Variants in ATP2B2 observed in about 807,000 individuals in gnomAD.
The protein encoded by ATP2B2 is ATPase plasma membrane Ca2+ transporting 2.
Under a neutral mutation model 120.0 loss-of-function variants are expected in ATP2B2, and 15 were observed. That is an observed-to-expected ratio of 0.12 (90% CI 0.08 to 0.19). The LOEUF is 0.19. Among genes scored for constraint, ATP2B2 ranks in the 10% least tolerant of loss-of-function variants. The pLI is 1.00. For missense variants in ATP2B2, 1,045 were observed against 1,719.8 expected (o/e 0.61, Z 6.94); for synonymous variants, 694 against 700.3 (o/e 0.99, Z 0.14).
intron 1 of ATP2B2, among the ~76,000 whole-genome samples, chr3:10,451,909 A>G (rs1282700916): frequency 3.3e-5 from 5 of 152,220 alleles, no homozygotes; most frequent in Non-Finnish European, 7.4e-5. Context: ...AGCATCTACT[A>G]TGTACCAGGC....
chr3:10,349,499 G>A (rs942725499), intron 16 of ATP2B2, among the ~76,000 whole-genome samples: 2 of 151,956 alleles, frequency 1.3e-5, no homozygotes, highest in Non-Finnish European at 2.9e-5. Flanking sequence ...CCCAGGACCT[G>A]GCCACCTAGG....
intron 2 of ATP2B2, among the ~76,000 whole-genome samples, chr3:10,592,434 C>T (rs2125579405): frequency 6.6e-6 from 1 of 152,348 alleles, no homozygotes; most frequent in South Asian, 2.1e-4. Flanking sequence ...CCTCTCTGCC[C>T]CACAGAGACT....
chr3:10,701,414 G>T (rs1435096398), intron 1 of ATP2B2, among the ~76,000 whole-genome samples: 1 of 152,128 alleles, frequency 6.6e-6, no homozygotes, highest in Admixed American at 6.6e-5. Flanking sequence ...AGTTAATCAC[G>T]AGTTGACAGC....
At chr3:10,475,181 A>G (rs982250927) in intron 1 of ATP2B2, among the ~76,000 whole-genome samples, 2 of 152,270 alleles carry the variant, frequency 1.3e-5, no homozygotes, top group African/African-American at 2.4e-5. Context: ...GGAGGAGGAA[A>G]AAATGAAGAG....
In ATP2B2 at chr3:10,392,686, T is replaced by C. The variant is rs549510526; in HGVS notation, c.782-4284A>G. ...TAACTGCCCACAGAGCCCTTCAGAATACAAGCACGGGGAGGGGTAGAGAGA... is the reference window on the plus strand; with the variant it reads ...TAACTGCCCACAGAGCCCTTCAGAACACAAGCACGGGGAGGGGTAGAGAGA... On this transcript the variant is annotated intron_variant, in intron 5 of 22. Transcript: ENST00000360273. 2.6e-4 allele frequency among the ~76,000 whole-genome samples: 39 copies of C among 152,218 alleles called. No homozygotes were observed. In the South Asian group the frequency reaches 8.1e-3, roughly 32 times the overall value.
chr3:10,705,176 C>T (rs2071877544), intron 1 of ATP2B2, among the ~76,000 whole-genome samples: 1 of 152,208 alleles, frequency 6.6e-6, no homozygotes, highest in African/African-American at 2.4e-5. Flanking sequence ...TTGCTCTCTA[C>T]CTACAGAACA....
chr3:10,637,614 A>G (rs1372327263), intron 1 of ATP2B2, among the ~76,000 whole-genome samples: 1 of 152,236 alleles, frequency 6.6e-6, no homozygotes, highest in South Asian at 2.1e-4. Context: ...AGAAGAGAGA[A>G]TAAGAAACTG....
At chr3:10,594,982 A>G (rs1444305479) in intron 2 of ATP2B2, among the ~76,000 whole-genome samples, 1 of 152,250 alleles carries the variant, frequency 6.6e-6, no homozygotes, top group Admixed American at 6.5e-5. Context: ...GTCCAGATGC[A>G]GCAACCACCA....
chr3:10,598,132 G>A (rs1156868557), intron 2 of ATP2B2, among the ~76,000 whole-genome samples: 1 of 152,196 alleles, frequency 6.6e-6, no homozygotes, highest in Non-Finnish European at 1.5e-5. Context: ...GGAAGGGACA[G>A]GATTCTCTGA....
At chr3:10,435,084 C>T (rs1453378257) in intron 2 of ATP2B2, among the ~76,000 whole-genome samples, 1 of 152,238 alleles carries the variant, frequency 6.6e-6, no homozygotes, top group Non-Finnish European at 1.5e-5. Context: ...GCCTGCCTTT[C>T]ACAGCTGTGC....
chr3:10,503,591 G>A (rs1412835831), intron 1 of ATP2B2, among the ~76,000 whole-genome samples: 1 of 152,264 alleles, frequency 6.6e-6, no homozygotes, highest in Non-Finnish European at 1.5e-5. Flanking sequence ...GAAGCTGAGG[G>A]GGCGGGTGTG....
chr3:10,606,136 C>CA (rs1247748336), intron 2 of ATP2B2, among the ~76,000 whole-genome samples: 1 of 151,926 alleles, frequency 6.6e-6, no homozygotes, highest in African/African-American at 2.4e-5. Context: ...AAAACAAAAA[C>CA]AAAAAAACAA....
chr3:10,622,833 T>C (rs1226887962), intron 1 of ATP2B2, among the ~76,000 whole-genome samples: 1 of 152,146 alleles, frequency 6.6e-6, no homozygotes, highest in Non-Finnish European at 1.5e-5. Flanking sequence ...GTGGGCCTAA[T>C]TTCACAGGTC....
Position 10,346,266 on chromosome 3 carries a change from C to T in ATP2B2, c.2405-129G>A. On this transcript the variant is annotated intron_variant, in intron 16 of 22. Coordinates refer to ENST00000360273, the MANE Select transcript of ATP2B2 (RefSeq NM_001001331.4). This position sits in a 1 kb window ranked among gnomAD's most constrained non-coding sequence, Gnocchi z 4.1. ...CTGGTCCCTGTCCAGCCGCCCCCTC[C>T]ATCCAGGCTCTTCCCAGCTCCAGGC... The T allele has an allele frequency of 3.5e-6, 3 of 858,744 alleles. No homozygotes were observed. The South Asian group carries it at 4.3e-5, about 12-fold the overall frequency. 53.2% of individuals were successfully genotyped at this position (858,744 alleles called of 1,614,324 possible). A position where few individuals can be genotyped will look rare whatever the true frequency, so the allele number is the denominator to read the frequency against.
chr3:10,406,381 C>A (rs1418586017), intron 3 of ATP2B2, among the ~76,000 whole-genome samples: 1 of 152,218 alleles, frequency 6.6e-6, no homozygotes, highest in African/African-American at 2.4e-5. Flanking sequence ...ACTCAGCAAA[C>A]ATAGTCATGA....
chr3:10,688,612 T>G (rs2071582263), intron 1 of ATP2B2, among the ~76,000 whole-genome samples: 1 of 152,072 alleles, frequency 6.6e-6, no homozygotes, highest in South Asian at 2.1e-4. Context: ...GAAAGAAAAT[T>G]TGCTCTCAGA....
At chr3:10,673,883 G>GA (rs1452817507) in intron 1 of ATP2B2, among the ~76,000 whole-genome samples, 3 of 149,762 alleles carry the variant, frequency 2.0e-5, no homozygotes, top group Non-Finnish European at 3.0e-5. Context: ...CTTTGGATGT[G>GA]AAAAAAACAT....
chr3:10,410,196 T>C (rs34906), intron 3 of ATP2B2, among the ~76,000 whole-genome samples: 40,019 of 152,088 alleles, frequency 0.26, 6,242 homozygotes, highest in East Asian at 0.7. Context: ...TGGTACTTAG[T>C]TACATGAGTA....
chr3:10,627,270 G>A (rs79355097), intron 1 of ATP2B2, among the ~76,000 whole-genome samples: 2,784 of 152,304 alleles, frequency 0.018, 85 homozygotes, highest in African/African-American at 0.063. Context: ...AGTGGTCCCC[G>A]GGGGCAGCAT....
Sources: gnomAD v4.1 joint callset for allele counts (sites outside exome capture counted in the v4.1 genomes callset) on GRCh38, gnomAD v4.1.1 for gene constraint, Gnocchi (gnomAD v3.1) non-coding constraint, MANE v1.5 for transcripts, NCBI Gene and HGNC (gene_info 2026-07-23, HGNC 2026-07-21) for gene names.